Variants in FAM168A observed in about 807,000 individuals in gnomAD.
FAM168A encodes the protein protein FAM168A.
Under a neutral mutation model 28.5 loss-of-function variants are expected in FAM168A, and 3 were observed. That is an observed-to-expected ratio of 0.11 (90% CI 0.05 to 0.27). FAM168A has a LOEUF of 0.27. FAM168A is among the 10% of genes least tolerant of loss of function. The pLI, the probability that FAM168A is intolerant of heterozygous loss-of-function variation, is 1.00. For synonymous variants in FAM168A, 122 were observed against 124.2 expected, an observed-to-expected ratio of 0.98 and a Z score of 0.12; for missense variants, 222 against 311.5, an observed-to-expected ratio of 0.71 and a Z score of 2.16.
At chr11:73,571,456 C>G (rs1285550943) in intron 1 of FAM168A, among the ~76,000 whole-genome samples, 3 of 151,834 alleles carry the variant, frequency 2.0e-5, no homozygotes, top group Non-Finnish European at 4.4e-5. Flanking sequence ...CTGTGTTGGC[C>G]GGGCTGGTCT....
chr11:73,585,713 C>T (rs911727881), intron 1 of FAM168A, among the ~76,000 whole-genome samples: 1 of 151,838 alleles, frequency 6.6e-6, no homozygotes, highest in African/African-American at 2.4e-5. Flanking sequence ...ACCAAAAATA[C>T]AAAAATTACC....
intron 1 of FAM168A, among the ~76,000 whole-genome samples, chr11:73,595,361 G>C (rs892675720): frequency 6.6e-6 from 1 of 151,892 alleles, no homozygotes; most frequent in East Asian, 1.9e-4. Context: ...AAAAAAAAAA[G>C]ATTCTAAATG....
intron 5 of FAM168A, chr11:73,410,827 C>G (rs12290623): frequency 0.22 from 33,830 of 152,442 alleles, 6,162 homozygotes; most frequent in African/African-American, 0.51. Context: ...ATGGTCCCCT[C>G]TCTCATACCA....
rs1266066712 is a variant in FAM168A at position 73,403,866 on chromosome 11, T to TGGGGCC, written c.*2891_*2896dup. On this transcript the variant is annotated 3_prime_UTR_variant, in exon 8 of 8. Transcript: ENST00000356467. ...GCCTTTCAGTGCCTTATTTTCACCT[T>TGGGGCC]GGGGCCCCCCTTTGCTCTTGAATTA... is the stretch of plus-strand genomic sequence containing the variant. The TGGGGCC allele has an allele frequency of 1.3e-5, 2 of 152,228 alleles. No individual in the cohort carries two copies. Among genetic ancestry groups the TGGGGCC allele is most frequent in the Admixed American group, 6.5e-5 (1 of 15,278 alleles). The allele number at this position is 152,228 out of a possible 1,614,324, so 9.4% of individuals were successfully genotyped here. A position where few individuals can be genotyped will look rare whatever the true frequency, so the allele number is the denominator to read the frequency against.
chr11:73,450,445 A>C (rs1037628789), intron 2 of FAM168A, among the ~76,000 whole-genome samples: 1 of 152,210 alleles, frequency 6.6e-6, no homozygotes, highest in African/African-American at 2.4e-5. Flanking sequence ...CCCAAGAATT[A>C]GCATTTCTAG....
chr11:73,492,208 A>C (rs1868137112), intron 1 of FAM168A, among the ~76,000 whole-genome samples: 1 of 152,254 alleles, frequency 6.6e-6, no homozygotes, highest in Non-Finnish European at 1.5e-5. Context: ...AGAGCCAAGA[A>C]GATGGCTGAG....
At chr11:73,527,265 T>G (rs948426616) in intron 1 of FAM168A, among the ~76,000 whole-genome samples, 1 of 152,114 alleles carries the variant, frequency 6.6e-6, no homozygotes, top group South Asian at 2.1e-4. Flanking sequence ...TCTAGATACA[T>G]GAATACCAGC....
chr11:73,538,329 C>T (rs1224142585), intron 1 of FAM168A, among the ~76,000 whole-genome samples: 1 of 128,562 alleles, frequency 7.8e-6, no homozygotes, highest in Non-Finnish European at 1.6e-5. Flanking sequence ...ATGCAGGTTC[C>T]AAAACAAAAA....
At chr11:73,473,452 C>G (rs1867842807) in intron 1 of FAM168A, among the ~76,000 whole-genome samples, 1 of 152,218 alleles carries the variant, frequency 6.6e-6, no homozygotes, top group South Asian at 2.1e-4. Context: ...ATATCTACCA[C>G]AGTACCTGGC....
chr11:73,461,296 T>G (rs1303873871), intron 2 of FAM168A, among the ~76,000 whole-genome samples: 1 of 152,076 alleles, frequency 6.6e-6, no homozygotes, highest in African/African-American at 2.4e-5. Flanking sequence ...TTTACATTTT[T>G]TTATAGAGAT....
At chr11:73,546,607 C>T (rs546935547) in intron 1 of FAM168A, among the ~76,000 whole-genome samples, 1 of 152,176 alleles carries the variant, frequency 6.6e-6, no homozygotes, top group African/African-American at 2.4e-5. Flanking sequence ...TGGCACATGC[C>T]TGTAATTCCA....
intron 1 of FAM168A, among the ~76,000 whole-genome samples, chr11:73,494,458 C>T (rs536908076): frequency 1.3e-5 from 2 of 152,294 alleles, no homozygotes; most frequent in Admixed American, 6.5e-5. Context: ...ACATTCCAAG[C>T]GGTTGACACT....
chr11:73,579,586 C>A (rs1944220173), intron 1 of FAM168A, among the ~76,000 whole-genome samples: 1 of 152,170 alleles, frequency 6.6e-6, no homozygotes. Context: ...TCCCCCCACC[C>A]ACCATTTAGA....
intron 1 of FAM168A, among the ~76,000 whole-genome samples, chr11:73,511,682 C>T (rs1015466818): frequency 2.4e-4 from 36 of 152,176 alleles, no homozygotes; most frequent in Non-Finnish European, 4.1e-4. Flanking sequence ...TTTTGCACCT[C>T]GTCAGAGTCA....
At chr11:73,409,239 C>T (rs569115855) in intron 6 of FAM168A, among the ~76,000 whole-genome samples, 1 of 152,252 alleles carries the variant, frequency 6.6e-6, no homozygotes, top group East Asian at 1.9e-4. Flanking sequence ...CTTTCTGCAC[C>T]ACCCTTCCCT....
chr11:73,540,476 C>A (rs1943640016), intron 1 of FAM168A, among the ~76,000 whole-genome samples: 1 of 152,190 alleles, frequency 6.6e-6, no homozygotes, highest in South Asian at 2.1e-4. Flanking sequence ...CTACCAAGGG[C>A]TAAATGACTC....
intron 1 of FAM168A, among the ~76,000 whole-genome samples, chr11:73,477,450 T>A (rs748637042): frequency 7.9e-5 from 12 of 151,984 alleles, no homozygotes; most frequent in Non-Finnish European, 1.8e-4. Context: ...CAAATTTGAT[T>A]AAGACAACAA....
rs573138603 is a variant in FAM168A, at chr11:73,590,780, CT to C, written c.-19+7142del. Among the ~76,000 whole-genome samples, 14 of 150,390 alleles carry C rather than the reference CT, an allele frequency of 9.3e-5. No individual in the cohort carries two copies. The South Asian group carries it at 1.1e-3, about 11-fold the overall frequency. On this transcript the variant is annotated intron_variant, in intron 1 of 7. Coordinates refer to ENST00000356467, the MANE Select transcript of FAM168A (RefSeq NM_015159.3). ...GGTCGAGAGTAGAACTGACACATAT[CT>C]TTTTTTTTTAAACAGCTCCTCGGGT...
chr11:73,530,627 C>T (rs1355105170), intron 1 of FAM168A, among the ~76,000 whole-genome samples: 4 of 152,174 alleles, frequency 2.6e-5, no homozygotes, highest in African/African-American at 9.7e-5. Flanking sequence ...GCCTTAGGTA[C>T]AGCAATCTTT....
Sources: allele counts gnomAD v4.1 joint callset (sites outside exome capture counted in the v4.1 genomes callset), GRCh38; gene constraint gnomAD v4.1.1; transcripts MANE v1.5; gene names NCBI Gene and HGNC (gene_info 2026-07-23, HGNC 2026-07-21).